The following CDH18 variants were observed in gnomAD, a reference collection of about 807,000 sequenced individuals.
CDH18 encodes the protein cadherin-18.
In CDH18, 31 loss-of-function variants were observed where a neutral mutation model predicts 67.9. That is an observed-to-expected ratio of 0.46 (90% CI 0.34 to 0.62). CDH18 has a LOEUF of 0.62. Among genes scored for constraint, CDH18 ranks in the 20% least tolerant of loss-of-function variants. The probability of loss-of-function intolerance (pLI) is 0.01; values close to 1 mark genes in which losing one functional copy is unlikely to be tolerated. For synonymous variants in CDH18, 362 were observed against 347.2 expected (o/e 1.04, Z -0.48); for missense variants, 890 against 975.5 (o/e 0.91, Z 1.17).
chr5:19,555,117 G>A (rs964226957), intron 8 of CDH18, among the ~76,000 whole-genome samples: 5 of 152,128 alleles, frequency 3.3e-5, no homozygotes, highest in African/African-American at 4.8e-5. Flanking sequence ...TACTTCAGAC[G>A]TTGTATGACT....
rs78828269 is a variant in CDH18, at chr5:20,083,349, T to C, written c.-517-91335A>G. On this transcript the variant is annotated intron_variant, in intron 2 of 14. Transcript: ENST00000507958. ...TCTTCTTTTATTATGCTTTGCTTTG[T>C]TGCCCTTCACAGATGCTGTGGTTTT... 2.2e-3 allele frequency among the ~76,000 whole-genome samples: 335 copies of C among 152,372 alleles called. 1 individual carries two copies. Among genetic ancestry groups the C allele is most frequent in the African/African-American group, 7.5e-3 (314 of 41,590 alleles).
At chr5:20,291,143 T>C (rs1747074279) in intron 1 of CDH18, among the ~76,000 whole-genome samples, 1 of 152,150 alleles carries the variant, frequency 6.6e-6, no homozygotes, top group Non-Finnish European at 1.5e-5. Context: ...TGAGTGAAGA[T>C]ACATTTAGGT....
chr5:20,073,447 C>T (rs566741071), intron 2 of CDH18, among the ~76,000 whole-genome samples: 23 of 152,072 alleles, frequency 1.5e-4, no homozygotes, highest in African/African-American at 5.3e-4. Context: ...CATTTTGAAC[C>T]AGAATTTTTT....
At chr5:20,200,639 A>G (rs141911614) in intron 2 of CDH18, among the ~76,000 whole-genome samples, 1,689 of 152,166 alleles carry the variant, frequency 0.011, 30 homozygotes, top group African/African-American at 0.038. Flanking sequence ...TTGGGCCACC[A>G]GACTCCAGCC....
intron 2 of CDH18, among the ~76,000 whole-genome samples, chr5:20,034,763 T>C (rs555824882): frequency 2.2e-4 from 34 of 152,150 alleles, no homozygotes; most frequent in African/African-American, 8.2e-4. Flanking sequence ...CATAATTGTA[T>C]GAACCAATTA....
In CDH18 at chr5:19,709,242, G is replaced by T. The variant is rs996341416; in HGVS notation, c.643+12105C>A. ...GGAACTTTCTTCTGATACTGCATAG[G>T]ATGGGAGCTTGAGACATTTATTTGT... is the stretch of plus-strand genomic sequence containing the variant. On this transcript the variant is annotated intron_variant, in intron 5 of 12. Coordinates refer to ENST00000382275, the MANE Select transcript of CDH18 (RefSeq NM_004934.5). Among the ~76,000 whole-genome samples, 4 of 152,090 alleles carry T rather than the reference G, an allele frequency of 2.6e-5. No individual in the cohort carries two copies. In the South Asian group the frequency reaches 8.3e-4, roughly 32 times the overall value.
At chr5:19,909,424 C>T (rs34847415) in intron 2 of CDH18, among the ~76,000 whole-genome samples, 15,574 of 151,138 alleles carry the variant, frequency 0.1, 893 homozygotes, top group East Asian at 0.22. Flanking sequence ...CTCAGCCTCC[C>T]GAGTAGCTGG....
At chr5:20,087,701 A>G (rs1033183256) in intron 2 of CDH18, among the ~76,000 whole-genome samples, 2 of 151,654 alleles carry the variant, frequency 1.3e-5, no homozygotes, top group African/African-American at 4.8e-5. Context: ...ACGTTTTTTA[A>G]ATATGATGCT....
rs182135255 is a variant in CDH18 at position 20,452,523 on chromosome 5, G to A, written c.-580+122939C>T. 5.9e-4 allele frequency among the ~76,000 whole-genome samples: 90 copies of A among 152,078 alleles called. 2 individuals carry two copies. The highest frequency in any genetic ancestry group is 1.5e-3 in the African/African-American group (63 of 41,506). On this transcript the variant is annotated intron_variant, in intron 1 of 14. Transcript: ENST00000507958. ...ATGCAGTAAGAGAAAACTAAATACTGCACGTCCTGATTTATAAGTAAGAGC... is the reference window on the plus strand; with the variant it reads ...ATGCAGTAAGAGAAAACTAAATACTACACGTCCTGATTTATAAGTAAGAGC...
chr5:19,523,153 A>G (rs1747198295), intron 9 of CDH18, among the ~76,000 whole-genome samples: 1 of 152,140 alleles, frequency 6.6e-6, no homozygotes, highest in African/African-American at 2.4e-5. Flanking sequence ...AACAATAAGA[A>G]TAATGACATT....
At chr5:20,019,031 T>G (rs1738158295) in intron 2 of CDH18, among the ~76,000 whole-genome samples, 1 of 142,420 alleles carries the variant, frequency 7.0e-6, no homozygotes, top group Admixed American at 6.8e-5. Context: ...TCTCCTGACC[T>G]CGTGATCCGC....
intron 2 of CDH18, among the ~76,000 whole-genome samples, chr5:20,134,345 G>A (rs1561817863): frequency 6.6e-6 from 1 of 151,972 alleles, no homozygotes; most frequent in Non-Finnish European, 1.5e-5. Flanking sequence ...TTACATTTCA[G>A]TTTGGGATGT....
intron 3 of CDH18, 34 bp downstream of exon 3, chr5:19,838,725 G>C (rs1392330886): frequency 2.8e-6 from 4 of 1,450,678 alleles, no homozygotes; most frequent in Non-Finnish European, 3.9e-6. Flanking sequence ...AATTTCTCAG[G>C]ATAGAAAAAA....
At chr5:19,989,786 G>A (rs866391753), upstream of CDH18, among the ~76,000 whole-genome samples, 1 of 152,040 alleles carries the variant, frequency 6.6e-6, no homozygotes, top group Non-Finnish European at 1.5e-5. Flanking sequence ...TTTAGCTTTC[G>A]GAAAGACTAA....
At chr5:20,364,059 C>T (rs1045234147) in intron 1 of CDH18, among the ~76,000 whole-genome samples, 1 of 152,066 alleles carries the variant, frequency 6.6e-6, no homozygotes, top group South Asian at 2.1e-4. Flanking sequence ...GTGTTTCTTT[C>T]AAACTAAAGA....
chr5:20,176,615 C>A (rs184386069), intron 2 of CDH18, among the ~76,000 whole-genome samples: 264 of 152,216 alleles, frequency 1.7e-3, no homozygotes, highest in African/African-American at 6.2e-3. Context: ...AAATTCTGCA[C>A]AAAGTCCTTA....
At chr5:19,653,591 A>G (rs1755895164) in intron 5 of CDH18, among the ~76,000 whole-genome samples, 2 of 152,178 alleles carry the variant, frequency 1.3e-5, no homozygotes, top group Admixed American at 1.3e-4. Flanking sequence ...TTTACATCAA[A>G]GAAATCTGGC....
Position 19,646,220 on chromosome 5 carries a change from T to G in CDH18, c.644-33619A>C, listed in dbSNP as rs557440129. On this transcript the variant is annotated intron_variant, in intron 5 of 12. Coordinates refer to ENST00000382275, the MANE Select transcript of CDH18 (RefSeq NM_004934.5). The stretch of plus-strand genomic sequence containing the variant: ...GTTTGTTTATCTTTATTTTTTGACC[T>G]GAGCAATTACAGCACTTACCGAGAT... Among the ~76,000 whole-genome samples the G allele has an allele frequency of 2.6e-5, 4 of 152,230 alleles. No homozygotes were observed. The South Asian group carries it at 6.2e-4, about 24-fold the overall frequency.
At chr5:19,758,917 T>C (rs1188464514) in intron 3 of CDH18, among the ~76,000 whole-genome samples, 1 of 152,240 alleles carries the variant, frequency 6.6e-6, no homozygotes, top group East Asian at 1.9e-4. Flanking sequence ...GTGTGATATC[T>C]TGCAGAAGCG....
Sources: allele counts gnomAD v4.1 joint callset (sites outside exome capture counted in the v4.1 genomes callset), GRCh38; gene constraint gnomAD v4.1.1; transcripts MANE v1.5; gene names NCBI Gene and HGNC (gene_info 2026-07-23, HGNC 2026-07-21).